SLC4A4: variants seen among roughly 807,000 people sequenced by gnomAD.
SLC4A4 encodes the protein solute carrier family 4 member 4.
In SLC4A4, 27 loss-of-function variants were observed where a neutral mutation model predicts 111.5. That is an observed-to-expected ratio of 0.24 (90% CI 0.18 to 0.33). The LOEUF (loss-of-function observed/expected upper bound fraction) is 0.33. Among genes scored for constraint, SLC4A4 ranks in the 10% least tolerant of loss-of-function variants. SLC4A4 has a pLI of 1.00. For synonymous variants in SLC4A4, 443 were observed against 463.4 expected, an observed-to-expected ratio of 0.96 and a Z score of 0.57; for missense variants, 909 against 1,315.5, an observed-to-expected ratio of 0.69 and a Z score of 4.78.
intron 2 of SLC4A4, among the ~76,000 whole-genome samples, chr4:71,123,293 G>A (rs532368557): frequency 6.6e-6 from 1 of 152,212 alleles, no homozygotes; most frequent in Non-Finnish European, 1.5e-5. Context: ...GAATGAAAAA[G>A]GCATATAACC....
intron 1 of SLC4A4, among the ~76,000 whole-genome samples, chr4:71,217,569 C>A (rs1268823999): frequency 6.6e-6 from 1 of 151,962 alleles, no homozygotes; most frequent in Middle Eastern, 3.2e-3. Flanking sequence ...TCTCAAAAAA[C>A]AAAAACAAAA....
chr4:71,070,337 C>CT (rs1174299141), intron 1 of SLC4A4, among the ~76,000 whole-genome samples: 11 of 152,182 alleles, frequency 7.2e-5, no homozygotes, highest in Non-Finnish European at 1.6e-4. Flanking sequence ...ATTACAGTTA[C>CT]TTAGTCACTC....
intron 2 of SLC4A4, among the ~76,000 whole-genome samples, chr4:71,143,526 C>T (rs956071986): frequency 1.2e-4 from 18 of 152,224 alleles, no homozygotes; most frequent in Admixed American, 2.0e-4. Context: ...ATCACCACAC[C>T]GACTTCCACA....
intron 16 of SLC4A4, among the ~76,000 whole-genome samples, chr4:71,507,117 C>G (rs1560571355): frequency 6.6e-6 from 1 of 152,104 alleles, no homozygotes; most frequent in African/African-American, 2.4e-5. Flanking sequence ...AAAGGAGAAA[C>G]CCTTACCAGC....
intron 21 of SLC4A4, among the ~76,000 whole-genome samples, chr4:71,556,142 G>T (rs1174491541): frequency 6.6e-6 from 1 of 151,856 alleles, no homozygotes; most frequent in African/African-American, 2.4e-5. Context: ...ATAGAACTGG[G>T]CAAGTGGCCA....
intron 3 of SLC4A4, chr4:71,300,862 C>T (rs993121285): frequency 1.5e-5 from 7 of 480,564 alleles, no homozygotes; most frequent in African/African-American, 5.9e-5. Flanking sequence ...GAACAGGGCC[C>T]GCTTCCAATC....
intron 1 of SLC4A4, among the ~76,000 whole-genome samples, chr4:71,232,898 A>G (rs1719535696): frequency 6.6e-6 from 1 of 152,224 alleles, no homozygotes; most frequent in African/African-American, 2.4e-5. Context: ...GGAAAGGGTT[A>G]GTTCTGATAG....
rs150781895 is a variant in SLC4A4 at position 71,541,163 on chromosome 4, C to G, written c.2443-5187C>G. ...AGCAAAATAGTTCTGGGAGGAGGCT[C>G]TGATGTAGAAACTTAAAGATAATTT... On this transcript the variant is annotated intron_variant, in intron 18 of 25. Coordinates refer to ENST00000264485, the MANE Select transcript of SLC4A4 (RefSeq NM_001098484.3). Among the ~76,000 whole-genome samples, 66 of 152,202 alleles carry G rather than the reference C, an allele frequency of 4.3e-4. 1 individual carries two copies. In the East Asian group the frequency reaches 0.011, roughly 25 times the overall value.
At chr4:71,127,088 A>C (rs916913665) in intron 2 of SLC4A4, among the ~76,000 whole-genome samples, 3 of 152,208 alleles carry the variant, frequency 2.0e-5, no homozygotes, top group African/African-American at 2.4e-5. Context: ...CAGACCCCAA[A>C]AATGCTTTCA....
chr4:71,505,093 G>C (rs966797951), intron 16 of SLC4A4, among the ~76,000 whole-genome samples: 1 of 152,110 alleles, frequency 6.6e-6, no homozygotes, highest in African/African-American at 2.4e-5. Flanking sequence ...GTATTTCATG[G>C]TGTATATGTA....
intron 2 of SLC4A4, among the ~76,000 whole-genome samples, chr4:71,167,514 A>G (rs972962049): frequency 6.6e-6 from 1 of 152,216 alleles, no homozygotes; most frequent in Admixed American, 6.5e-5. Flanking sequence ...TGGAGATGTT[A>G]GGGAGACCCT....
rs147729136 is a variant in SLC4A4 at position 71,454,821 on chromosome 4, A to G, written c.1497+1152A>G. Among the ~76,000 whole-genome samples the G allele has an allele frequency of 1.4e-3, 217 of 152,182 alleles. 1 individual carries two copies. Among genetic ancestry groups the G allele is most frequent in the Non-Finnish European group, 2.2e-3 (153 of 68,000 alleles). Reference sequence around the variant, plus strand: ...AACAACCATTTTATTACTCTCTTTCATGGCTGGATGGTGGGTTGGCTCAGC... The same window carrying G: ...AACAACCATTTTATTACTCTCTTTCGTGGCTGGATGGTGGGTTGGCTCAGC... On this transcript the variant is annotated intron_variant, in intron 12 of 25. Coordinates refer to ENST00000264485, the MANE Select transcript of SLC4A4 (RefSeq NM_001098484.3).
intron 1 of SLC4A4, among the ~76,000 whole-genome samples, chr4:71,223,836 T>C (rs1330004315): frequency 2.0e-5 from 3 of 151,942 alleles, no homozygotes; most frequent in African/African-American, 7.3e-5. Flanking sequence ...CAGAAGCCCG[T>C]CTTCACTGCC....
chr4:71,544,923 T>C (rs1433335887), intron 18 of SLC4A4, among the ~76,000 whole-genome samples: 1 of 152,018 alleles, frequency 6.6e-6, no homozygotes, highest in East Asian at 1.9e-4. Flanking sequence ...GGTACTAAGT[T>C]GGCAGTCAAT....
At chr4:71,373,075 C>G (rs945301059) in intron 6 of SLC4A4, among the ~76,000 whole-genome samples, 2 of 152,076 alleles carry the variant, frequency 1.3e-5, no homozygotes, top group Non-Finnish European at 2.9e-5. Context: ...TTTTCTCTGG[C>G]TCTAGGGTCT....
chr4:71,156,711 C>T lies in SLC4A4; in HGVS notation c.-2+63919C>T, dbSNP rs1487028169. ...AGAAAAAAAAAGATACATAACATAACAGCCCTTGAAACAATTTGAGGCTTA... is the reference window on the plus strand; with the variant it reads ...AGAAAAAAAAAGATACATAACATAATAGCCCTTGAAACAATTTGAGGCTTA... On this transcript the variant is annotated intron_variant, in intron 2 of 26. Coordinates refer to the SLC4A4 transcript ENST00000649996. Among the ~76,000 whole-genome samples the T allele has an allele frequency of 2.6e-5, 4 of 151,962 alleles. No individual in the cohort carries two copies. The East Asian group carries it at 7.7e-4, about 29-fold the overall frequency.
At chr4:71,160,324 T>G (rs1452207336) in intron 2 of SLC4A4, among the ~76,000 whole-genome samples, 1 of 146,920 alleles carries the variant, frequency 6.8e-6, no homozygotes, top group Non-Finnish European at 1.5e-5. Context: ...TCTGGGTGAG[T>G]GTTAACTCCA....
At chr4:71,166,152 T>C (rs1308051261) in intron 2 of SLC4A4, among the ~76,000 whole-genome samples, 2 of 152,150 alleles carry the variant, frequency 1.3e-5, no homozygotes, top group African/African-American at 4.8e-5. Context: ...AGGCAGTGGC[T>C]AAAAAAACTG....
chr4:71,352,436 T>C (rs1729927396), intron 5 of SLC4A4, among the ~76,000 whole-genome samples: 1 of 152,196 alleles, frequency 6.6e-6, no homozygotes, highest in Non-Finnish European at 1.5e-5. Flanking sequence ...TTCATGCCAC[T>C]GTGCTCAGGG....
Sources: gnomAD v4.1 joint callset for allele counts (sites outside exome capture counted in the v4.1 genomes callset) on GRCh38, gnomAD v4.1.1 for gene constraint, MANE v1.5 for transcripts, NCBI Gene and HGNC (gene_info 2026-07-23, HGNC 2026-07-21) for gene names.